SPTA1: variants seen among roughly 807,000 people sequenced by gnomAD.
The protein encoded by SPTA1 is spectrin alpha chain, erythrocytic 1.
A neutral mutation model predicts 324.7 loss-of-function variants in SPTA1; 177 were observed. The observed-to-expected ratio is 0.55, with a 90% CI of 0.48 to 0.62. SPTA1 has a LOEUF of 0.62. Ranked by LOEUF, SPTA1 falls within the 20% of genes least tolerant of loss-of-function variation. SPTA1 has a pLI of 0.00. For missense variants in SPTA1, 3,162 were observed against 2,883.6 expected, an observed-to-expected ratio of 1.10 and a Z score of -2.21; for synonymous variants, 1,195 against 1,041.3, an observed-to-expected ratio of 1.15 and a Z score of -2.84.
chr1:158,654,578 CT>C, intron 21 of SPTA1, 32 bp downstream of exon 21: 1 of 1,613,560 alleles, frequency 6.2e-7, no homozygotes, highest in Non-Finnish European at 8.5e-7. Context: ...GAAAGAGCCA[CT>C]TTTTGATGGA....
At position 158,624,603 on chromosome 1, in the gene SPTA1, T is replaced by C. The variant is rs182418724; in HGVS notation, c.5911-1411A>G. On this transcript the variant is annotated intron_variant, in intron 42 of 51. Transcript: ENST00000643759. ...TTGTATTTAGGAAGTAACTAACTTG[T>C]TTTTGATTTTACAGACAATCTCATG... is the stretch of plus-strand genomic sequence containing the variant. 3.3e-5 allele frequency among the ~76,000 whole-genome samples: 5 copies of C among 152,292 alleles called. No homozygotes were observed. In the East Asian group the frequency reaches 9.6e-4, roughly 29 times the overall value.
At chr1:158,641,354 C>A (rs902076008) in intron 33 of SPTA1, among the ~76,000 whole-genome samples, 4 of 152,058 alleles carry the variant, frequency 2.6e-5, no homozygotes, top group African/African-American at 9.7e-5. Context: ...AAAGAAACTA[C>A]CATCAGAGTG....
At chr1:158,617,641 C>CATACATGCATA in intron 46 of SPTA1, 53 bp from the exon 47 acceptor site, 1 of 1,456,292 alleles carries the variant, frequency 6.9e-7, no homozygotes, top group Non-Finnish European at 9.6e-7. Context: ...GTCAATATTT[C>CATACATGCATA]ATACATGCAT....
rs769935909 is a variant in SPTA1 at position 158,626,960 on chromosome 1, C to A, written c.5712G>T (p.Glu1904Asp). ...GAGAAGGGGTCTTTTCATTCAGAGC[C>A]TCTATCTTGGAAGAAATCTCTTTGT... ...SQNKEISSKI[E>D]ALNEKTPSLA... Residue 1904 changes from glutamate (E) to aspartate (D), a missense_variant, in exon 41 of 52, where the codon GAG (glutamate) becomes GAT (aspartate). Coordinates refer to ENST00000643759, the MANE Select transcript of SPTA1 (RefSeq NM_003126.4). 26 of 1,613,886 alleles carry A rather than the reference C, an allele frequency of 1.6e-5. No individual in the cohort carries two copies. The highest frequency in any genetic ancestry group is 2.1e-5 in the Non-Finnish European group (25 of 1,179,816).
At chr1:158,625,010 G>A (rs989283811) in intron 42 of SPTA1, among the ~76,000 whole-genome samples, 1 of 152,164 alleles carries the variant, frequency 6.6e-6, no homozygotes, top group African/African-American at 2.4e-5. Context: ...ATGGCAGAGG[G>A]TGTTGTTATA....
intron 45 of SPTA1, among the ~76,000 whole-genome samples, chr1:158,619,013 G>A (rs1041243055): frequency 2.6e-5 from 4 of 152,160 alleles, no homozygotes; most frequent in African/African-American, 9.6e-5. Flanking sequence ...TACATAATAA[G>A]CAGAAGGATG....
intron 43 of SPTA1, 177 bp downstream of exon 43, chr1:158,622,806 A>AT (rs1650001089): frequency 3.1e-6 from 2 of 635,296 alleles, no homozygotes; most frequent in Non-Finnish European, 5.4e-6. Flanking sequence ...TCTAAAAAAA[A>AT]TTTTTAAAGC....
At chr1:158,646,648 G>A (rs993826648) in intron 27 of SPTA1, among the ~76,000 whole-genome samples, 1 of 152,124 alleles carries the variant, frequency 6.6e-6, no homozygotes, top group Non-Finnish European at 1.5e-5. Flanking sequence ...ATAAAGGGAA[G>A]GAAGCACCAT....
chr1:158,685,247 A>G lies in SPTA1; in HGVS notation c.125T>C (p.Val42Ala), dbSNP rs1382500308. 1.2e-5 allele frequency: 19 copies of G among 1,613,480 alleles called. No individual in the cohort carries two copies. The highest frequency in any genetic ancestry group is 1.6e-5 in the Non-Finnish European group (19 of 1,179,788). The change falls in exon 2 of 52, where the codon GTC (valine) becomes GCC (alanine). Residue 42 changes from valine to alanine, a missense_variant. Val to Ala is a moderately conservative substitution (Grantham distance 64). Transcript: ENST00000643759. ...CTCAAGCTTCTGACCCCTCTCAGCG[A>G]CCCGCTCCTTGAAACTTTGATACCG... is the stretch of plus-strand genomic sequence containing the variant. ...LTRYQSFKER[V>A]AERGQKLEDS...
chr1:158,624,269 A>C (rs1367682774), intron 42 of SPTA1, among the ~76,000 whole-genome samples: 1 of 152,144 alleles, frequency 6.6e-6, no homozygotes, highest in Non-Finnish European at 1.5e-5. Flanking sequence ...AGAATGGTAG[A>C]TCCACCAACA....
At chr1:158,674,509 C>A in intron 9 of SPTA1, 31 bp downstream of exon 9, 3 of 1,614,096 alleles carry the variant, frequency 1.9e-6, no homozygotes, top group Non-Finnish European at 2.5e-6. Context: ...AACCTGCCCC[C>A]TCCTCCTACT....
At chr1:158,683,257 G>C in intron 3 of SPTA1, 114 bp downstream of exon 3, 2 of 1,464,390 alleles carry the variant, frequency 1.4e-6, no homozygotes, top group South Asian at 2.3e-5. Context: ...GAAGATAAGA[G>C]GCAGGAGTCC....
In SPTA1 at chr1:158,685,250, C is replaced by G. The variant is rs778903567; in HGVS notation, c.122G>C (p.Arg41Pro). Residue 41 changes from arginine (R) to proline (P), a missense_variant, in exon 2 of 52, where the codon CGG (arginine) becomes CCG (proline). Transcript: ENST00000643759. ...AAGCTTCTGACCCCTCTCAGCGACC[C>G]GCTCCTTGAAACTTTGATACCGAGT... ...VLTRYQSFKE[R>P]VAERGQKLED... 1 of 1,613,650 alleles carries G rather than the reference C, an allele frequency of 6.2e-7. No homozygotes were observed. Among genetic ancestry groups the G allele is most frequent in the Non-Finnish European group, 8.5e-7 (1 of 1,179,754 alleles).
intron 33 of SPTA1, among the ~76,000 whole-genome samples, chr1:158,640,516 A>G (rs948065103): frequency 1.1e-4 from 17 of 152,184 alleles, no homozygotes; most frequent in Non-Finnish European, 1.6e-4. Flanking sequence ...GCATTCTTAT[A>G]CACCAATAAC....
intron 45 of SPTA1, among the ~76,000 whole-genome samples, chr1:158,618,953 A>G (rs2101757217): frequency 6.6e-6 from 1 of 152,384 alleles, no homozygotes; most frequent in East Asian, 1.9e-4. Flanking sequence ...GACTGAAATT[A>G]CAGGCAACAG....
intron 10 of SPTA1, among the ~76,000 whole-genome samples, chr1:158,672,924 C>T (rs754160180): frequency 3.5e-4 from 51 of 147,780 alleles, no homozygotes; most frequent in Non-Finnish European, 5.9e-4. Context: ...CGGTGAAACC[C>T]GGTTTCTACC....
chr1:158,645,042 A>G, intron 29 of SPTA1, 146 bp downstream of exon 29: 1 of 845,190 alleles, frequency 1.2e-6, no homozygotes, highest in South Asian at 1.4e-5. Context: ...TAGAAAGCAT[A>G]GTACAATGCT....
chr1:158,626,843 C>G lies in SPTA1; in HGVS notation c.5829G>C (p.Trp1943Cys). The G allele has an allele frequency of 6.2e-7, 1 of 1,613,680 alleles. No individual in the cohort carries two copies. Among genetic ancestry groups the G allele is most frequent in the Non-Finnish European group, 8.5e-7 (1 of 1,179,636 alleles). The change falls in exon 41 of 52, where the codon TGG (tryptophan) becomes TGC (cysteine). Residue 1943 changes from tryptophan to cysteine, a missense_variant. Transcript: ENST00000643759. ...CCTGAACCTGACACATCATACCTAT[C>G]CAAGCCTCTACCACATCAGCCTTCC... ...FNWKADVVEA[W>C]IADKETSLKT...
chr1:158,669,340 T>A (rs966840293), intron 14 of SPTA1, 68 bp downstream of exon 14: 7 of 1,605,736 alleles, frequency 4.4e-6, no homozygotes, highest in Middle Eastern at 1.6e-4. Flanking sequence ...TTCATTTTAC[T>A]CCAAGACTGT....
Sources: gnomAD v4.1 joint callset for allele counts (sites outside exome capture counted in the v4.1 genomes callset) on GRCh38, gnomAD v4.1.1 for gene constraint, MANE v1.5 for transcripts, NCBI Gene and HGNC (gene_info 2026-07-23, HGNC 2026-07-21) for gene names.